The following ACYP2 variants were observed in gnomAD, a reference collection of about 807,000 sequenced individuals.
ACYP2 encodes acylphosphatase-2.
In ACYP2, 12 loss-of-function variants were observed where a neutral mutation model predicts 11.2. The ratio of observed to expected loss-of-function variants is 1.08; its 90% CI spans 0.69 to 1.74. The LOEUF is 1.74. Among genes scored for constraint, ACYP2 ranks in the 40% most tolerant of loss-of-function variants. The pLI is 0.00. For missense variants in ACYP2, 134 were observed against 101.9 expected (o/e 1.31, Z -1.35); for synonymous variants, 43 against 32.2 (o/e 1.33, Z -1.13).
intron 4 of ACYP2, among the ~76,000 whole-genome samples, chr2:54,087,003 A>G (rs1486906863): frequency 6.6e-6 from 1 of 152,234 alleles, no homozygotes; most frequent in Non-Finnish European, 1.5e-5. Context: ...TAGTAGAGCT[A>G]TTTTAAAATA....
At chr2:54,010,248 C>G (rs530327627) in intron 2 of ACYP2, among the ~76,000 whole-genome samples, 8 of 152,256 alleles carry the variant, frequency 5.3e-5, no homozygotes, top group Non-Finnish European at 1.0e-4. Context: ...CTTTGGGAGG[C>G]CAAGGCAGGT....
intron 3 of ACYP2, chr2:54,051,502 G>T: frequency 1.4e-6 from 1 of 706,250 alleles, no homozygotes; most frequent in Non-Finnish European, 2.6e-6. Context: ...GACTCCTTTG[G>T]GCTTTTTTTC....
At chr2:54,205,212 G>C (rs1403882072) in intron 6 of ACYP2, among the ~76,000 whole-genome samples, 3 of 152,170 alleles carry the variant, frequency 2.0e-5, no homozygotes, top group African/African-American at 7.2e-5. Flanking sequence ...GGTGGGTAAA[G>C]TCTGTGAGGC....
rs913741725 is a variant in ACYP2, at chr2:53,975,349, T to C, written c.62+1539T>C. On this transcript the variant is annotated intron_variant, in intron 2 of 6. Transcript: ENST00000607452. ...GCAAAATAAGGTCTCTTCCTCTTAT[T>C]CTAAATAAAGTTTCATGGAGAACAC... 7 of 398,458 alleles carry C rather than the reference T, an allele frequency of 1.8e-5. No homozygotes were observed. The East Asian group carries it at 2.5e-4, about 14-fold the overall frequency. 24.7% of individuals were successfully genotyped at this position (398,458 alleles called of 1,614,324 possible).
At chr2:54,257,974 T>G (rs1687628043) in intron 6 of ACYP2, among the ~76,000 whole-genome samples, 1 of 152,222 alleles carries the variant, frequency 6.6e-6, no homozygotes, top group South Asian at 2.1e-4. Flanking sequence ...ATAATCCATT[T>G]TTATATTTAT....
intron 6 of ACYP2, among the ~76,000 whole-genome samples, chr2:54,203,664 A>T (rs1031089739): frequency 2.6e-5 from 4 of 152,188 alleles, no homozygotes; most frequent in Non-Finnish European, 4.4e-5. Flanking sequence ...TTCTCATGAA[A>T]GGGTGCTAGA....
intron 6 of ACYP2, among the ~76,000 whole-genome samples, chr2:54,299,079 G>A (rs1689625206): frequency 6.6e-6 from 1 of 152,064 alleles, no homozygotes; most frequent in African/African-American, 2.4e-5. Flanking sequence ...AGACACAGTT[G>A]AAAAAATGAT....
intron 6 of ACYP2, among the ~76,000 whole-genome samples, chr2:54,162,006 C>G (rs1369838332): frequency 6.6e-6 from 1 of 152,060 alleles, no homozygotes; most frequent in Non-Finnish European, 1.5e-5. Flanking sequence ...TCTCAGCTCT[C>G]CTTTTCTTGT....
chr2:54,212,065 A>C (rs980623851), intron 6 of ACYP2, among the ~76,000 whole-genome samples: 2 of 152,252 alleles, frequency 1.3e-5, no homozygotes, highest in Non-Finnish European at 2.9e-5. Context: ...AAACAAATGA[A>C]GAATGAATGA....
At chr2:54,106,143 A>G (rs887587466) in intron 4 of ACYP2, among the ~76,000 whole-genome samples, 15 of 152,238 alleles carry the variant, frequency 9.9e-5, no homozygotes, top group African/African-American at 3.6e-4. Flanking sequence ...AATCACATAT[A>G]GTCAATCAGC....
chr2:54,153,348 A>G (rs1682271558), intron 6 of ACYP2, among the ~76,000 whole-genome samples: 1 of 151,172 alleles, frequency 6.6e-6, no homozygotes, highest in Non-Finnish European at 1.5e-5. Context: ...TTCTATTTTT[A>G]TGTCAGTACC....
chr2:54,264,832 T>G (rs1189902605), intron 6 of ACYP2, among the ~76,000 whole-genome samples: 1 of 152,200 alleles, frequency 6.6e-6, no homozygotes, highest in Non-Finnish European at 1.5e-5. Context: ...AGTAAATGTT[T>G]AAAAGAATTA....
At chr2:54,195,742 A>G (rs1684441229) in intron 6 of ACYP2, among the ~76,000 whole-genome samples, 1 of 144,562 alleles carries the variant, frequency 6.9e-6, no homozygotes, top group African/African-American at 2.6e-5. Flanking sequence ...GTTGCAAGAG[A>G]GGATGGTTAA....
chr2:54,122,436 G>A (rs953050866), intron 4 of ACYP2, among the ~76,000 whole-genome samples: 1 of 152,140 alleles, frequency 6.6e-6, no homozygotes, highest in African/African-American at 2.4e-5. Flanking sequence ...GTCTGCCCCA[G>A]TTTCCAGAGC....
intron 6 of ACYP2, among the ~76,000 whole-genome samples, chr2:54,198,336 A>G (rs1684603985): frequency 1.3e-5 from 2 of 152,102 alleles, no homozygotes; most frequent in African/African-American, 4.8e-5. Flanking sequence ...TTTTAAAAAG[A>G]ACACTCTGGC....
intron 6 of ACYP2, chr2:54,255,311 C>T (rs1573000255): frequency 6.2e-7 from 1 of 1,614,180 alleles, no homozygotes. Context: ...TCCTTCACTT[C>T]CAAATTGGTT....
chr2:54,197,183 G>A (rs1393382636), intron 6 of ACYP2, among the ~76,000 whole-genome samples: 1 of 152,178 alleles, frequency 6.6e-6, no homozygotes, highest in African/African-American at 2.4e-5. Context: ...ATGGAGAGGG[G>A]AGAATGAAAC....
intron 6 of ACYP2, chr2:54,255,130 T>G (rs758496971): frequency 1.9e-6 from 3 of 1,614,136 alleles, no homozygotes; most frequent in Non-Finnish European, 8.5e-7. Flanking sequence ...TCGGTTCCTA[T>G]GAATGAAGGA....
At chr2:54,216,013 T>G (rs538966734) in intron 6 of ACYP2, among the ~76,000 whole-genome samples, 55 of 152,218 alleles carry the variant, frequency 3.6e-4, no homozygotes, top group Non-Finnish European at 6.2e-4. Context: ...TTTAAATTAT[T>G]CAGCTCTGTT....
Sources: gnomAD v4.1 joint callset for allele counts (sites outside exome capture counted in the v4.1 genomes callset) on GRCh38, gnomAD v4.1.1 for gene constraint, MANE v1.5 for transcripts, NCBI Gene and HGNC (gene_info 2026-07-23, HGNC 2026-07-21) for gene names.